TRPC4AP: variants seen among roughly 807,000 people sequenced by gnomAD.
TRPC4AP encodes transient receptor potential cation channel subfamily C member 4 associated protein, also known as short transient receptor potential channel 4-associated protein.
In TRPC4AP, 45 loss-of-function variants were observed where a neutral mutation model predicts 99.0. That is an observed-to-expected ratio of 0.45 (90% confidence interval 0.36 to 0.58). TRPC4AP has a LOEUF of 0.58. Among genes scored for constraint, TRPC4AP ranks in the 20% least tolerant of loss-of-function variants. TRPC4AP has a pLI of 0.00. For missense variants in TRPC4AP, 879 were observed against 985.3 expected, an observed-to-expected ratio of 0.89 and a Z score of 1.44; for synonymous variants, 408 against 385.8, an observed-to-expected ratio of 1.06 and a Z score of -0.67.
chr20:35,024,682 T>G (rs2082977197), intron 8 of TRPC4AP, among the ~76,000 whole-genome samples: 1 of 151,682 alleles, frequency 6.6e-6, no homozygotes, highest in African/African-American at 2.4e-5. Flanking sequence ...AATAAAAAAA[T>G]TAGCTGGGCG....
At chr20:35,078,224 A>C in intron 1 of TRPC4AP, 50 bp from the exon 2 acceptor site, 1 of 1,584,054 alleles carries the variant, frequency 6.3e-7, no homozygotes, top group Non-Finnish European at 8.6e-7. Context: ...TGATGATAAT[A>C]GCTGATACGG....
rs1290914263 is a variant in TRPC4AP, at chr20:35,021,352, G to T, written c.1056C>A (p.Ser352=). ...ANEESEHNQA[S]IVFPPPGASE... is the part of the protein sequence containing the mutation. Reference sequence around the variant, plus strand: ...AAGCCCCTGGAGGAGGGAACACAATGGAGGCTGACACAGCCACCGGAGACA... The same window carrying T: ...AAGCCCCTGGAGGAGGGAACACAATTGAGGCTGACACAGCCACCGGAGACA... Residue 352 remains serine, a synonymous_variant, in exon 9 of 19, where the codon TCC becomes TCA. Coordinates refer to ENST00000252015, the MANE Select transcript of TRPC4AP (RefSeq NM_015638.3). 6.2e-7 allele frequency: 1 copy of T among 1,613,428 alleles called. No individual in the cohort carries two copies. The highest frequency in any genetic ancestry group is 8.5e-7 in the Non-Finnish European group (1 of 1,179,616).
intron 10 of TRPC4AP, among the ~76,000 whole-genome samples, chr20:35,015,278 G>A (rs1264971830): frequency 6.6e-6 from 1 of 151,920 alleles, no homozygotes; most frequent in African/African-American, 2.4e-5. Context: ...TGGGATTACG[G>A]GTGTGACCAC....
chr20:35,084,048 C>T (rs2084729023), intron 1 of TRPC4AP, among the ~76,000 whole-genome samples: 1 of 151,752 alleles, frequency 6.6e-6, no homozygotes, highest in Admixed American at 6.6e-5. Context: ...ACCTGTAATC[C>T]CAGCACTTTG....
At chr20:35,030,237 A>AT (rs1327904372) in intron 8 of TRPC4AP, 2 of 80,710 alleles carry the variant, frequency 2.5e-5, no homozygotes, top group Admixed American at 1.3e-4. Flanking sequence ...GCGAAACTCC[A>AT]TATCAAAAAA....
intron 1 of TRPC4AP, among the ~76,000 whole-genome samples, chr20:35,081,687 A>G (rs993460029): frequency 1.3e-5 from 2 of 152,180 alleles, no homozygotes; most frequent in Non-Finnish European, 2.9e-5. Context: ...CAGCAAGAGC[A>G]AAGAAAAAGC....
At chr20:35,018,604 G>GAAAAAAAAAAAA (rs11479211) in intron 9 of TRPC4AP, among the ~76,000 whole-genome samples, 22 of 88,944 alleles carry the variant, frequency 2.5e-4, no homozygotes, top group South Asian at 4.0e-4. Context: ...CTCAAAAAAA[G>GAAAAAAAAAAAA]AAAAAAAAAA....
At chr20:35,060,572 G>T in intron 3 of TRPC4AP, among the ~76,000 whole-genome samples, 1 of 116,054 alleles carries the variant, frequency 8.6e-6, no homozygotes, top group Non-Finnish European at 1.7e-5. Flanking sequence ...GGGTGACAGA[G>T]AGACCTTGTC....
chr20:35,038,021 A>C (rs997424372), intron 7 of TRPC4AP, among the ~76,000 whole-genome samples: 6 of 151,854 alleles, frequency 4.0e-5, no homozygotes, highest in African/African-American at 1.5e-4. Context: ...CTGAATAGGT[A>C]AATCCACAGA....
At chr20:35,048,922 T>C (rs113055632) in intron 6 of TRPC4AP, among the ~76,000 whole-genome samples, 39 of 152,202 alleles carry the variant, frequency 2.6e-4, no homozygotes, top group African/African-American at 6.8e-4. Context: ...CTACAGACAA[T>C]AGGCCACTTG....
At chr20:35,066,086 A>T (rs548750835) in intron 3 of TRPC4AP, among the ~76,000 whole-genome samples, 1 of 152,302 alleles carries the variant, frequency 6.6e-6, no homozygotes, top group Admixed American at 6.5e-5. Flanking sequence ...ATTGAAGTAT[A>T]ACGTGATACC....
At chr20:35,081,402 T>A (rs1018234226) in intron 1 of TRPC4AP, among the ~76,000 whole-genome samples, 3 of 151,656 alleles carry the variant, frequency 2.0e-5, no homozygotes, top group Non-Finnish European at 4.4e-5. Flanking sequence ...TAATCCCAGT[T>A]ACTCAGGTAG....
intron 6 of TRPC4AP, among the ~76,000 whole-genome samples, 172 bp from the exon 7 acceptor site, chr20:35,044,884 C>T (rs3803937): frequency 3.3e-5 from 5 of 151,920 alleles, no homozygotes; most frequent in African/African-American, 7.2e-5. Context: ...AAAAACCTTT[C>T]GAGTCTTTGC....
intron 1 of TRPC4AP, among the ~76,000 whole-genome samples, chr20:35,091,558 T>C (rs1440490882): frequency 6.6e-6 from 1 of 152,168 alleles, no homozygotes; most frequent in Non-Finnish European, 1.5e-5. Flanking sequence ...TTCTTGAGTA[T>C]CCTTCAAACT....
At chr20:35,060,379 G>T (rs1402927960) in intron 3 of TRPC4AP, among the ~76,000 whole-genome samples, 1 of 152,026 alleles carries the variant, frequency 6.6e-6, no homozygotes, top group African/African-American at 2.4e-5. Flanking sequence ...TTAAGCCCAA[G>T]AGTATGCAAC....
chr20:35,060,603 A>G (rs2083978405), intron 3 of TRPC4AP, among the ~76,000 whole-genome samples: 1 of 147,126 alleles, frequency 6.8e-6, no homozygotes. Flanking sequence ...AAAAAAAAAA[A>G]AAAAAAACAA....
chr20:35,022,572 T>G (rs2082917676), intron 8 of TRPC4AP, among the ~76,000 whole-genome samples: 1 of 152,186 alleles, frequency 6.6e-6, no homozygotes, highest in East Asian at 1.9e-4. Context: ...AATCAGTAAC[T>G]GCCAAGGTCC....
rs551611811 is a variant in TRPC4AP, at chr20:35,069,564, G to A, written c.298-152C>T. 3.7e-4 allele frequency: 213 copies of A among 579,916 alleles called. 2 individuals are homozygous for A. In the South Asian group the frequency reaches 4.7e-3, roughly 13 times the overall value. The allele number at this position is 579,916 out of a possible 1,614,324, so 35.9% of individuals were successfully genotyped here. A position where few individuals can be genotyped will look rare whatever the true frequency, so the allele number is the denominator to read the frequency against. On this transcript the variant is annotated intron_variant, in intron 2 of 18. Coordinates refer to ENST00000252015, the MANE Select transcript of TRPC4AP (RefSeq NM_015638.3). ...CACACTTCCTAGTATTCAGGCCCCT[G>A]TAAAGCCCCTTCTCACACTAAATCT...
At chr20:35,033,552 C>G (rs1336465136) in intron 8 of TRPC4AP, among the ~76,000 whole-genome samples, 1 of 152,148 alleles carries the variant, frequency 6.6e-6, no homozygotes, top group African/African-American at 2.4e-5. Flanking sequence ...ATACACTGCT[C>G]CAAAGTCTAA....
Sources: gnomAD v4.1 joint callset for allele counts (sites outside exome capture counted in the v4.1 genomes callset) on GRCh38, gnomAD v4.1.1 for gene constraint, MANE v1.5 for transcripts, NCBI Gene and HGNC (gene_info 2026-07-23, HGNC 2026-07-21) for gene names.